The following SAMD12 variants were observed in gnomAD, a reference collection of about 807,000 sequenced individuals.
The protein encoded by SAMD12 is sterile alpha motif domain-containing protein 12.
SAMD12 carries 9 observed loss-of-function variants against 15.0 expected under a neutral mutation model. The ratio of observed to expected loss-of-function variants is 0.60; its 90% confidence interval spans 0.36 to 1.05. The LOEUF is 1.05. Ranked by LOEUF, SAMD12 falls within the 50% of genes least tolerant of loss-of-function variation. The pLI, the probability that SAMD12 is intolerant of heterozygous loss-of-function variation, is 0.01. For missense variants in SAMD12, 230 were observed against 234.2 expected (o/e 0.98, Z 0.12); for synonymous variants, 86 against 90.1 (o/e 0.96, Z 0.25).
intron 4 of SAMD12, among the ~76,000 whole-genome samples, chr8:118,275,973 G>A (rs1447232778): frequency 6.6e-6 from 1 of 152,178 alleles, no homozygotes; most frequent in Non-Finnish European, 1.5e-5. Flanking sequence ...GGGCACCTAT[G>A]TTAATGCCAT....
chr8:118,341,357 A>G (rs1817358533), intron 4 of SAMD12, among the ~76,000 whole-genome samples: 1 of 152,234 alleles, frequency 6.6e-6, no homozygotes, highest in African/African-American at 2.4e-5. Flanking sequence ...CAAGAGGAGC[A>G]TACCTAGACC....
chr8:118,325,128 A>G (rs1816505927), intron 4 of SAMD12, among the ~76,000 whole-genome samples: 1 of 152,182 alleles, frequency 6.6e-6, no homozygotes, highest in South Asian at 2.1e-4. Context: ...CTGCTTTTCA[A>G]CACAGGGATA....
rs116221753 is a variant in SAMD12, at chr8:118,341,614, T to C, written c.433+37946A>G. Among the ~76,000 whole-genome samples the C allele has an allele frequency of 8.0e-3, 1,225 of 152,286 alleles. 23 individuals carry two copies. The highest frequency in any genetic ancestry group is 0.028 in the African/African-American group (1,159 of 41,562). The stretch of plus-strand genomic sequence containing the variant: ...GTCAGTTTCTGGTGCCGGCTGCAGA[T>C]GCCAACCTCTCCTTGTGTCTTTGCG... On this transcript the variant is annotated intron_variant, in intron 4 of 4. Coordinates refer to the SAMD12 transcript ENST00000409003.
At chr8:118,521,451 C>T (rs764074092) in intron 2 of SAMD12, among the ~76,000 whole-genome samples, 3 of 152,168 alleles carry the variant, frequency 2.0e-5, no homozygotes, top group Non-Finnish European at 4.4e-5. Context: ...AATCATTTCT[C>T]TTATTGAGAG....
chr8:118,444,512 T>C (rs1822850546), intron 2 of SAMD12, among the ~76,000 whole-genome samples: 1 of 152,034 alleles, frequency 6.6e-6, no homozygotes, highest in South Asian at 2.1e-4. Flanking sequence ...TACACATTCC[T>C]GAGAGAATGG....
chr8:118,509,976 C>A (rs1301559197), intron 2 of SAMD12, among the ~76,000 whole-genome samples: 1 of 152,112 alleles, frequency 6.6e-6, no homozygotes, highest in Non-Finnish European at 1.5e-5. Flanking sequence ...TATCTGTGCA[C>A]ACTTTTGATA....
At chr8:118,167,243 T>G in the SAMD12 span, among the ~76,000 whole-genome samples, 7 of 150,856 alleles carry the variant, frequency 4.6e-5, no homozygotes, top group African/African-American at 1.5e-4. Flanking sequence ...ATGTTGAACA[T>G]TATGTCAGAC....
chr8:118,577,027 T>C (rs554027897), intron 2 of SAMD12, among the ~76,000 whole-genome samples: 1 of 152,358 alleles, frequency 6.6e-6, no homozygotes, highest in African/African-American at 2.4e-5. Context: ...TGGCATGGCA[T>C]GCATATTCTC....
At chr8:118,175,718 G>T in the SAMD12 span, among the ~76,000 whole-genome samples, 1 of 152,066 alleles carries the variant, frequency 6.6e-6, no homozygotes, top group Non-Finnish European at 1.5e-5. Flanking sequence ...CACACATATA[G>T]CCAACAAACA....
At chr8:118,138,066 T>TGG in the SAMD12 span, among the ~76,000 whole-genome samples, 1 of 152,050 alleles carries the variant, frequency 6.6e-6, no homozygotes, top group Non-Finnish European at 1.5e-5. Context: ...AGACATGTGC[T>TGG]GGGAATGGAG....
intron 4 of SAMD12, among the ~76,000 whole-genome samples, chr8:118,225,024 C>T (rs1270466977): frequency 6.6e-6 from 1 of 152,180 alleles, no homozygotes; most frequent in Non-Finnish European, 1.5e-5. Context: ...ACTGGGAATT[C>T]ATGAAAAGGG....
intron 4 of SAMD12, among the ~76,000 whole-genome samples, chr8:118,292,349 G>GACACACAGACACACACAC (rs111807707): frequency 1.5e-3 from 203 of 137,718 alleles, no homozygotes; most frequent in African/African-American, 5.4e-3. Context: ...CAAACACACA[G>GACACACAGACACACACAC]ACACACACAC....
chr8:118,194,986 G>A (rs1819518267), exon 5 of SAMD12: 1 of 152,192 alleles, frequency 6.6e-6, no homozygotes, highest in Non-Finnish European at 1.5e-5. Context: ...TATGGAATAT[G>A]TGCCAGGCAT....
At position 118,558,022 on chromosome 8, in the gene SAMD12, A is replaced by G. The variant is rs192469981; in HGVS notation, c.192+22693T>C. Among the ~76,000 whole-genome samples, 23 of 152,298 alleles carry G rather than the reference A, an allele frequency of 1.5e-4. No homozygotes were observed. The East Asian group carries it at 2.3e-3, about 15-fold the overall frequency. ...AAACAATCCACTTATCTGGTCTTCT[A>G]CTCATGAAAATTTCATTTATTCTTT... On this transcript the variant is annotated intron_variant, in intron 2 of 3. Coordinates refer to ENST00000314727, the MANE Select transcript of SAMD12 (RefSeq NM_207506.3).
chr8:118,474,979 C>T (rs949648057), intron 2 of SAMD12, among the ~76,000 whole-genome samples: 2 of 152,148 alleles, frequency 1.3e-5, no homozygotes, highest in African/African-American at 2.4e-5. Flanking sequence ...TGTCTCACAC[C>T]TGTAATCCCA....
chr8:118,477,559 C>T (rs576443659), intron 2 of SAMD12, among the ~76,000 whole-genome samples: 3 of 152,228 alleles, frequency 2.0e-5, no homozygotes, highest in South Asian at 2.1e-4. Flanking sequence ...GTGGCTCTCC[C>T]GTTTTTCTAA....
At chr8:118,414,821 G>A (rs1161472478) in intron 3 of SAMD12, among the ~76,000 whole-genome samples, 1 of 152,130 alleles carries the variant, frequency 6.6e-6, no homozygotes, top group Non-Finnish European at 1.5e-5. Context: ...ACCTAGTGGC[G>A]ACACTAACCA....
chr8:118,437,809 T>C (rs1011484810), intron 3 of SAMD12, among the ~76,000 whole-genome samples: 7 of 152,204 alleles, frequency 4.6e-5, no homozygotes, highest in East Asian at 3.8e-4. Context: ...ATTTATTCCA[T>C]AAGCATTGAT....
intron 4 of SAMD12, among the ~76,000 whole-genome samples, chr8:118,229,892 C>T (rs561680496): frequency 3.9e-4 from 59 of 152,246 alleles, no homozygotes; most frequent in African/African-American, 1.3e-3. Flanking sequence ...ACATTTATTG[C>T]ATCAGAGGCT....
Sources: allele counts gnomAD v4.1 joint callset (sites outside exome capture counted in the v4.1 genomes callset), GRCh38; gene constraint gnomAD v4.1.1; transcripts MANE v1.5; gene names NCBI Gene and HGNC (gene_info 2026-07-23, HGNC 2026-07-21).